RBPJ: variants seen among roughly 807,000 people sequenced by gnomAD.
The protein encoded by RBPJ is recombining binding protein suppressor of hairless.
A neutral mutation model predicts 67.8 loss-of-function variants in RBPJ; 9 were observed. The observed-to-expected ratio is 0.13, with a 90% confidence interval of 0.08 to 0.23. The LOEUF (loss-of-function observed/expected upper bound fraction) is 0.23, where lower values mean the gene tolerates loss of function less well. Among genes scored for constraint, RBPJ ranks in the 10% least tolerant of loss-of-function variants. The pLI, the probability that RBPJ is intolerant of heterozygous loss-of-function variation, is 1.00. For missense variants in RBPJ, 305 were observed against 595.6 expected, an observed-to-expected ratio of 0.51 and a Z score of 5.08; for synonymous variants, 198 against 203.3, an observed-to-expected ratio of 0.97 and a Z score of 0.22.
intron 2 of RBPJ, among the ~76,000 whole-genome samples, chr4:26,402,399 G>A (rs559566311): frequency 6.6e-6 from 1 of 152,248 alleles, no homozygotes; most frequent in African/African-American, 2.4e-5. Flanking sequence ...ATCTTCAGTT[G>A]TTTTATTTGT....
chr4:26,119,657 A>G, the RBPJ span, among the ~76,000 whole-genome samples: 1,018 of 152,316 alleles, frequency 6.7e-3, 6 homozygotes, highest in Non-Finnish European at 0.011. Flanking sequence ...ATGTTTTTCC[A>G]AATCACCAGC....
At chr4:26,338,032 A>G (rs1725051598) in intron 1 of RBPJ, among the ~76,000 whole-genome samples, 1 of 147,578 alleles carries the variant, frequency 6.8e-6, no homozygotes, top group Non-Finnish European at 1.5e-5. Flanking sequence ...TTTGTCATAC[A>G]GGAGTTAAAA....
intron 1 of RBPJ, among the ~76,000 whole-genome samples, chr4:26,270,405 GAAA>G (rs1560237840): frequency 1.9e-4 from 11 of 58,826 alleles, no homozygotes; most frequent in Non-Finnish European, 3.8e-4. Flanking sequence ...AAGAAAGAAA[GAAA>G]GAAAGAAAGA....
intron 1 of RBPJ, among the ~76,000 whole-genome samples, chr4:26,226,240 A>G (rs1719072144): frequency 6.6e-6 from 1 of 152,070 alleles, no homozygotes; most frequent in South Asian, 2.1e-4. Context: ...CAAGGAGGGA[A>G]GATCATTTGA....
intron 1 of RBPJ, among the ~76,000 whole-genome samples, chr4:26,266,440 G>T (rs763881599): frequency 6.6e-6 from 1 of 152,126 alleles, no homozygotes; most frequent in Non-Finnish European, 1.5e-5. Flanking sequence ...GGAGAAATAG[G>T]ATTGCACAAA....
At chr4:26,323,955 T>C (rs1275196733) in intron 1 of RBPJ, among the ~76,000 whole-genome samples, 1 of 152,256 alleles carries the variant, frequency 6.6e-6, no homozygotes, top group Non-Finnish European at 1.5e-5. Flanking sequence ...TTTCATGTTA[T>C]CTCAACTAGG....
At chr4:26,144,824 T>TTG in the RBPJ span, among the ~76,000 whole-genome samples, 1 of 152,172 alleles carries the variant, frequency 6.6e-6, no homozygotes, top group African/African-American at 2.4e-5. Context: ...CTGACTTTGA[T>TTG]TCCGGAGCCA....
chr4:26,132,346 G>A, the RBPJ span, among the ~76,000 whole-genome samples: 133 of 152,312 alleles, frequency 8.7e-4, no homozygotes, highest in Admixed American at 2.0e-3. Flanking sequence ...CCCAGCATCA[G>A]ACAATTATTG....
intron 1 of RBPJ, among the ~76,000 whole-genome samples, chr4:26,282,924 CT>C (rs67501530): frequency 0.045 from 2,747 of 60,964 alleles, 9 homozygotes; most frequent in African/African-American, 0.1. Flanking sequence ...AGTGTAGATT[CT>C]TTTTTTTTTT....
At chr4:26,254,473 A>G (rs1447768817) in intron 1 of RBPJ, among the ~76,000 whole-genome samples, 1 of 148,506 alleles carries the variant, frequency 6.7e-6, no homozygotes, top group Admixed American at 6.6e-5. Flanking sequence ...CAATCTTTGC[A>G]TGGTTGCTTC....
intron 1 of RBPJ, among the ~76,000 whole-genome samples, chr4:26,166,981 C>T (rs1716337027): frequency 6.6e-6 from 1 of 152,154 alleles, no homozygotes; most frequent in African/African-American, 2.4e-5. Context: ...GGACTCTTTC[C>T]CCATTGCTTG....
At chr4:26,286,472 CA>C (rs57556548) in intron 1 of RBPJ, among the ~76,000 whole-genome samples, 1,195 of 99,456 alleles carry the variant, frequency 0.012, 15 homozygotes, top group African/African-American at 0.048. Context: ...GACCCTGCCT[CA>C]AAAAAAAAAA....
chr4:26,202,969 A>AAGGAAGGAAG (rs1560208702), intron 1 of RBPJ, among the ~76,000 whole-genome samples: 1 of 41,324 alleles, frequency 2.4e-5, no homozygotes, highest in African/African-American at 9.6e-5. Flanking sequence ...AAGGAAGGAA[A>AAGGAAGGAAG]TAAGGAAGGA....
chr4:26,219,974 G>A (rs915055868), intron 1 of RBPJ, among the ~76,000 whole-genome samples: 3 of 151,566 alleles, frequency 2.0e-5, no homozygotes, highest in South Asian at 2.1e-4. Context: ...TAGTAGAGAC[G>A]GGGTTTCACT....
the RBPJ span, chr4:26,112,755 C>CTTTTT: frequency 1.1e-4 from 10 of 88,714 alleles, no homozygotes; most frequent in South Asian, 3.8e-4. Context: ...AAGGGAGAAT[C>CTTTTT]TTTTTTTTTT....
Position 26,176,680 on chromosome 4 carries a change from G to A in RBPJ, c.-167+13066G>A, listed in dbSNP as rs368524025. 3.4e-4 allele frequency among the ~76,000 whole-genome samples: 52 copies of A among 152,348 alleles called. No homozygotes were observed. The South Asian group carries it at 4.1e-3, about 12-fold the overall frequency. On this transcript the variant is annotated intron_variant, in intron 1 of 4. Transcript: ENST00000512351. ...CACTTCCCCACGTATATAGGCAGTG[G>A]TAGATGAGATCATGGGACATAGCTC... is the stretch of plus-strand genomic sequence containing the variant.
intron 1 of RBPJ, among the ~76,000 whole-genome samples, chr4:26,266,742 C>T (rs911599444): frequency 1.3e-5 from 2 of 152,028 alleles, no homozygotes; most frequent in Admixed American, 6.6e-5. Flanking sequence ...ATGTCCTGAG[C>T]CCCATTAGGT....
At chr4:26,325,591 T>A (rs1672184733) in intron 1 of RBPJ, among the ~76,000 whole-genome samples, 1 of 152,216 alleles carries the variant, frequency 6.6e-6, no homozygotes. Flanking sequence ...GAAGATTAAA[T>A]GAGATAATGT....
At chr4:26,242,092 C>T (rs774765040) in intron 1 of RBPJ, among the ~76,000 whole-genome samples, 8 of 151,852 alleles carry the variant, frequency 5.3e-5, no homozygotes, top group Non-Finnish European at 7.4e-5. Context: ...CAGCAGTGAA[C>T]CAAATCATTA....
Sources: gnomAD v4.1 joint callset for allele counts (sites outside exome capture counted in the v4.1 genomes callset) on GRCh38, gnomAD v4.1.1 for gene constraint, MANE v1.5 for transcripts, NCBI Gene and HGNC (gene_info 2026-07-23, HGNC 2026-07-21) for gene names.